Variants in NUTM2E observed in about 807,000 individuals in gnomAD.
NUTM2E encodes the protein NUT family member 2E.
A neutral mutation model predicts 26.1 loss-of-function variants in NUTM2E; 3 were observed. The ratio of observed to expected loss-of-function variants is 0.12; its 90% CI spans 0.05 to 0.30. The LOEUF (loss-of-function observed/expected upper bound fraction) is 0.30. NUTM2E is among the 10% of genes least tolerant of loss of function. The probability of loss-of-function intolerance (pLI) is 1.00; values close to 1 mark genes in which losing one functional copy is unlikely to be tolerated. For missense variants in NUTM2E, 62 were observed against 381.3 expected (o/e 0.16, Z 6.97); for synonymous variants, 13 against 157.5 (o/e 0.08, Z 6.87).
intron 1 of NUTM2E, among the ~76,000 whole-genome samples, chr10:79,832,646 A>G (rs1841934228): frequency 2.0e-5 from 3 of 151,860 alleles, no homozygotes; most frequent in Admixed American, 1.3e-4. Context: ...AGGGATTTAT[A>G]GGGTAATTAG....
chr10:79,836,999 GA>G lies in NUTM2E; in HGVS notation c.-2727-1301del, dbSNP rs536602419. On this transcript the variant is annotated intron_variant, in intron 1 of 9. Transcript: ENST00000429984. Reference sequence around the variant, plus strand: ...TTTCTGCTTAGTTTTAGAAGGAAGAGAAAAAAAAATTGTGAAACATTCATCT... The same window carrying G: ...TTTCTGCTTAGTTTTAGAAGGAAGAGAAAAAAAATTGTGAAACATTCATCT... 5.9e-3 allele frequency among the ~76,000 whole-genome samples: 890 copies of G among 150,980 alleles called. 12 individuals are homozygous for G. The highest frequency in any genetic ancestry group is 0.02 in the African/African-American group (812 of 41,206).
Position 79,839,764 on chromosome 10 carries a change from A to T in NUTM2E, c.-1977A>T, listed in dbSNP as rs1361595884. ...CCATTCCTCTACTGGGTGGAGGAGC[A>T]TGTGTCCTCTGAACAGGGGATCCAA... On this transcript the variant is annotated 5_prime_UTR_variant, in exon 4 of 10. An upstream start codon of the reference 5' UTR is lost. Coordinates refer to ENST00000429984, the MANE Select transcript of NUTM2E (RefSeq NM_001355263.2). Among the ~76,000 whole-genome samples, 2 of 151,078 alleles carry T rather than the reference A, an allele frequency of 1.3e-5. No individual in the cohort carries two copies. The highest frequency in any genetic ancestry group is 2.9e-5 in the Non-Finnish European group (2 of 67,816).
At chr10:79,830,215 A>G (rs1841917660) in intron 1 of NUTM2E, among the ~76,000 whole-genome samples, 1 of 151,638 alleles carries the variant, frequency 6.6e-6, no homozygotes. Context: ...TAGTAAATTA[A>G]TAAGTTTTTT....
chr10:79,850,731 T>C lies in NUTM2E; in HGVS notation c.*125T>C. ...CTTGCTGGGCCTTAGCTTTGGAGGG[T>C]AGGGGAGGGAGGGGAGGGAGAGGGT... is the stretch of plus-strand genomic sequence containing the variant. On this transcript the variant is annotated 3_prime_UTR_variant, in exon 10 of 10. Coordinates refer to ENST00000429984, the MANE Select transcript of NUTM2E (RefSeq NM_001355263.2). 6.2e-6 allele frequency: 1 copy of C among 161,796 alleles called. No homozygotes were observed. Among genetic ancestry groups the C allele is most frequent in the South Asian group, 3.4e-5 (1 of 29,828 alleles). The allele number at this position is 161,796 out of a possible 1,614,324, so 10.0% of individuals were successfully genotyped here.
intron 5 of NUTM2E, among the ~76,000 whole-genome samples, chr10:79,845,547 C>G (rs1842018690): frequency 9.3e-6 from 1 of 107,534 alleles, no homozygotes; most frequent in African/African-American, 2.9e-5. Flanking sequence ...ACAGCAGTTA[C>G]GATTACTGTC....
chr10:79,830,547 A>G (rs1841921252), intron 1 of NUTM2E, among the ~76,000 whole-genome samples: 1 of 151,806 alleles, frequency 6.6e-6, no homozygotes, highest in African/African-American at 2.4e-5. Flanking sequence ...GCATTTGTTC[A>G]TGTATAACCA....
intron 1 of NUTM2E, among the ~76,000 whole-genome samples, chr10:79,836,222 T>C (rs1056916129): frequency 6.6e-6 from 1 of 151,880 alleles, no homozygotes; most frequent in Non-Finnish European, 1.5e-5. Flanking sequence ...GACCATATGG[T>C]AATTTTGATA....
Position 79,839,866 on chromosome 10 carries a change from G to C in NUTM2E, c.-1875G>C, listed in dbSNP as rs1841988374. Among the ~76,000 whole-genome samples the C allele has an allele frequency of 6.7e-6, 1 of 149,972 alleles. No individual in the cohort carries two copies. Among genetic ancestry groups the C allele is most frequent in the Non-Finnish European group, 1.5e-5 (1 of 67,546 alleles). On this transcript the variant is annotated 5_prime_UTR_variant, in exon 4 of 10. Coordinates refer to ENST00000429984, the MANE Select transcript of NUTM2E (RefSeq NM_001355263.2). ...GGATGCTCAGACAGCAGGGGCCGGA[G>C]GACTTTTAGCCACCACCTCCCATGG...
chr10:79,837,623 C>T (rs1250679380), intron 1 of NUTM2E, among the ~76,000 whole-genome samples: 2 of 151,944 alleles, frequency 1.3e-5, no homozygotes, highest in Non-Finnish European at 1.5e-5. Flanking sequence ...AGAAAATAAA[C>T]AACAACAAAC....
At chr10:79,828,393 G>C (rs1408217855) in intron 1 of NUTM2E, among the ~76,000 whole-genome samples, 2 of 151,910 alleles carry the variant, frequency 1.3e-5, no homozygotes, top group African/African-American at 4.8e-5. Flanking sequence ...TCTGTAACAA[G>C]AATCCACTGA....
chr10:79,839,675 T>C lies in NUTM2E; in HGVS notation c.-2066T>C, dbSNP rs1024657586. Reference sequence around the variant, plus strand: ...GTGATAACACTGAAGAGCCTTCACATTGATGCAGGCCCAGGGCCTCAAGTG... The same window carrying C: ...GTGATAACACTGAAGAGCCTTCACACTGATGCAGGCCCAGGGCCTCAAGTG... On this transcript the variant is annotated 5_prime_UTR_variant, in exon 4 of 10. Coordinates refer to ENST00000429984, the MANE Select transcript of NUTM2E (RefSeq NM_001355263.2). Among the ~76,000 whole-genome samples the C allele has an allele frequency of 1.3e-5, 2 of 151,912 alleles. No homozygotes were observed. The highest frequency in any genetic ancestry group is 2.4e-5 in the African/African-American group (1 of 41,314).
chr10:79,849,442 C>T lies in NUTM2E; in HGVS notation c.1806C>T (p.Ala602=). Residue 602 remains alanine, a synonymous_variant, in exon 9 of 10, where the codon GCC becomes GCT. Transcript: ENST00000429984. Reference sequence around the variant, plus strand: ...CAGATCCACAGATGGATTTCTTGGCCCTAAGCCAGGACCTGGAGCAGGAGG... The same window carrying T: ...CAGATCCACAGATGGATTTCTTGGCTCTAAGCCAGGACCTGGAGCAGGAGG... ...LSPDPQMDFL[A]LSQDLEQEEG... The T allele has an allele frequency of 1.7e-6, 1 of 602,240 alleles. No homozygotes were observed. Among genetic ancestry groups the T allele is most frequent in the South Asian group, 1.8e-5 (1 of 54,742 alleles). The allele number at this position is 602,240 out of a possible 1,614,324, so 37.3% of individuals were successfully genotyped here.
chr10:79,828,617 A>G (rs1415817896), intron 1 of NUTM2E, among the ~76,000 whole-genome samples: 1 of 151,970 alleles, frequency 6.6e-6, no homozygotes, highest in Non-Finnish European at 1.5e-5. Flanking sequence ...AATTTTAGCC[A>G]GTTTAGGACT....
intron 1 of NUTM2E, among the ~76,000 whole-genome samples, chr10:79,835,031 T>G (rs1169789731): frequency 6.6e-6 from 1 of 151,346 alleles, no homozygotes; most frequent in African/African-American, 2.4e-5. Flanking sequence ...TTAAATAAAC[T>G]GCCTTGTTGC....
rs1398098644 is a variant in NUTM2E, at chr10:79,826,996, C to G, written c.-3089C>G. The G allele has an allele frequency of 9.3e-6, 1 of 107,252 alleles. No individual in the cohort carries two copies. The highest frequency in any genetic ancestry group is 2.1e-5 in the Non-Finnish European group (1 of 48,376). 6.6% of individuals were successfully genotyped at this position (107,252 alleles called of 1,614,324 possible). A position where few individuals can be genotyped will look rare whatever the true frequency, so the allele number is the denominator to read the frequency against. On this transcript the variant is annotated 5_prime_UTR_variant, in exon 1 of 10. Coordinates refer to ENST00000429984, the MANE Select transcript of NUTM2E (RefSeq NM_001355263.2). The stretch of plus-strand genomic sequence containing the variant: ...TGCCAGCGGCTGTTCTCCCTAAGCA[C>G]CCTCGCTCACGTCGCCTCGCCTCGC...
chr10:79,835,294 A>G (rs1946212068), intron 1 of NUTM2E, among the ~76,000 whole-genome samples: 1 of 151,480 alleles, frequency 6.6e-6, no homozygotes, highest in Non-Finnish European at 1.5e-5. Flanking sequence ...CCTCAATTAT[A>G]AAACAGGGAA....
chr10:79,836,454 GTAGT>G (rs1841964132), intron 1 of NUTM2E, among the ~76,000 whole-genome samples: 1 of 149,150 alleles, frequency 6.7e-6, no homozygotes, highest in African/African-American at 2.5e-5. Flanking sequence ...ATCTCTTGTA[GTAGT>G]TTTATAGCTA....
In NUTM2E at chr10:79,839,738, G is replaced by T. The variant is rs534890566; in HGVS notation, c.-2003G>T. ...GCTCTGCAGGACACAGCATGGAGCCGCCATTCCTCTACTGGGTGGAGGAGC... is the reference window on the plus strand; with the variant it reads ...GCTCTGCAGGACACAGCATGGAGCCTCCATTCCTCTACTGGGTGGAGGAGC... On this transcript the variant is annotated 5_prime_UTR_variant, in exon 4 of 10. Transcript: ENST00000429984. Among the ~76,000 whole-genome samples, 2 of 151,452 alleles carry T rather than the reference G, an allele frequency of 1.3e-5. No homozygotes were observed. The highest frequency in any genetic ancestry group is 4.9e-5 in the African/African-American group (2 of 41,120).
At chr10:79,829,643 C>T (rs1253294880) in intron 1 of NUTM2E, among the ~76,000 whole-genome samples, 8 of 151,772 alleles carry the variant, frequency 5.3e-5, no homozygotes, top group Non-Finnish European at 1.2e-4. Context: ...TTACTAAATG[C>T]CAAAGCAGAT....
Sources: gnomAD v4.1 joint callset for allele counts (sites outside exome capture counted in the v4.1 genomes callset) on GRCh38, gnomAD v4.1.1 for gene constraint, MANE v1.5 for transcripts, NCBI Gene and HGNC (gene_info 2026-07-23, HGNC 2026-07-21) for gene names.